Variants in PPIL4 observed in about 807,000 individuals in gnomAD.
PPIL4 encodes the protein peptidylprolyl isomerase like 4, also known as peptidyl-prolyl cis-trans isomerase-like 4.
A neutral mutation model predicts 69.1 loss-of-function variants in PPIL4; 50 were observed. The ratio of observed to expected loss-of-function variants is 0.72; its 90% CI spans 0.58 to 0.92. The LOEUF is 0.92. Among genes scored for constraint, PPIL4 ranks in the 40% least tolerant of loss-of-function variants. PPIL4 has a pLI of 0.00. For missense variants in PPIL4, 480 were observed against 587.9 expected, an observed-to-expected ratio of 0.82 and a Z score of 1.90; for synonymous variants, 193 against 191.6, an observed-to-expected ratio of 1.01 and a Z score of -0.06.
At chr6:149,508,822 A>G (rs1473382670) in intron 12 of PPIL4, among the ~76,000 whole-genome samples, 1 of 152,228 alleles carries the variant, frequency 6.6e-6, no homozygotes, top group Non-Finnish European at 1.5e-5. Context: ...ATTGATTAGT[A>G]AGGCTAGTTA....
At chr6:149,539,457 ACCCTTGACCTCC>A (rs1320770789) in intron 4 of PPIL4, among the ~76,000 whole-genome samples, 2 of 152,052 alleles carry the variant, frequency 1.3e-5, no homozygotes, top group Non-Finnish European at 2.9e-5. Flanking sequence ...AGCTCACTGC[ACCCTTGACCTCC>A]TGGGCTCTAG....
intron 11 of PPIL4, among the ~76,000 whole-genome samples, chr6:149,513,138 C>G (rs1036198371): frequency 1.4e-5 from 2 of 147,866 alleles, no homozygotes; most frequent in African/African-American, 4.9e-5. Context: ...GTAATCCCAG[C>G]ACTTTGGGAA....
intron 11 of PPIL4, 74 bp from the exon 12 acceptor site, chr6:149,512,376 AAGG>A: frequency 8.4e-7 from 1 of 1,184,010 alleles, no homozygotes. Context: ...CTGGTAAACA[AAGG>A]AGGTCATAAG....
chr6:149,536,237 T>G (rs1170893057), intron 4 of PPIL4, among the ~76,000 whole-genome samples: 1 of 152,180 alleles, frequency 6.6e-6, no homozygotes, highest in East Asian at 1.9e-4. Context: ...TTTCTCCCTC[T>G]CAGTGCTCCC....
chr6:149,539,269 G>C (rs1777324930), intron 4 of PPIL4, among the ~76,000 whole-genome samples: 1 of 152,218 alleles, frequency 6.6e-6, no homozygotes, highest in South Asian at 2.1e-4. Flanking sequence ...GGTCTGAGAG[G>C]ATTGACTTCA....
chr6:149,505,844 G>A, intron 12 of PPIL4, 140 bp from the exon 13 acceptor site: 1 of 667,260 alleles, frequency 1.5e-6, no homozygotes, highest in Non-Finnish European at 2.5e-6. Flanking sequence ...CTAATGTCAA[G>A]AATCTTGTAA....
chr6:149,525,532 A>T (rs1303923649), intron 8 of PPIL4, among the ~76,000 whole-genome samples: 1 of 152,160 alleles, frequency 6.6e-6, no homozygotes, highest in East Asian at 1.9e-4. Flanking sequence ...AAATCACAAC[A>T]CTTTTCTAGT....
At chr6:149,538,521 C>G (rs1777313496) in intron 4 of PPIL4, among the ~76,000 whole-genome samples, 1 of 151,988 alleles carries the variant, frequency 6.6e-6, no homozygotes, top group African/African-American at 2.4e-5. Flanking sequence ...GATGGTGATT[C>G]CTCTGATGGA....
intron 9 of PPIL4, among the ~76,000 whole-genome samples, chr6:149,521,441 C>G (rs946551771): frequency 3.9e-5 from 6 of 152,172 alleles, no homozygotes; most frequent in African/African-American, 1.4e-4. Flanking sequence ...TTTAGAGAGA[C>G]AGTCCAACTG....
chr6:149,529,771 A>G (rs1210502883), intron 7 of PPIL4, among the ~76,000 whole-genome samples: 1 of 151,932 alleles, frequency 6.6e-6, no homozygotes, highest in Non-Finnish European at 1.5e-5. Context: ...TCAAAAAAAA[A>G]AAAAAAAGGA....
intron 1 of PPIL4, among the ~76,000 whole-genome samples, chr6:149,543,068 CT>C (rs1777387403): frequency 6.6e-6 from 1 of 152,146 alleles, no homozygotes; most frequent in African/African-American, 2.4e-5. Flanking sequence ...CTGCCAAAAT[CT>C]TTAGGTCTTT....
chr6:149,534,792 A>T lies in PPIL4; in HGVS notation c.465-18T>A. Reference sequence around the variant, plus strand: ...GATTTATCCTTACAAAATAAATCCAAATCAAATGTTATACATTGAAGTTAT... The same window carrying T: ...GATTTATCCTTACAAAATAAATCCATATCAAATGTTATACATTGAAGTTAT... On this transcript the variant is annotated intron_variant, in intron 5 of 12. Transcript: ENST00000253329. The T allele has an allele frequency of 7.4e-7, 1 of 1,342,986 alleles. No individual in the cohort carries two copies. Among genetic ancestry groups the T allele is most frequent in the East Asian group, 2.3e-5 (1 of 42,952 alleles). 83.2% of individuals were successfully genotyped at this position (1,342,986 alleles called of 1,614,324 possible).
intron 12 of PPIL4, 35 bp from the exon 13 acceptor site, chr6:149,505,739 T>C: frequency 6.3e-7 from 1 of 1,580,662 alleles, no homozygotes; most frequent in Non-Finnish European, 8.6e-7. Flanking sequence ...AGTGAATCAG[T>C]AAAATAATCA....
chr6:149,545,984 T>C lies in PPIL4; in HGVS notation c.22A>G (p.Thr8Ala), dbSNP rs1434963410. ...AAGTCGATGACGACGTCGCCTAAAG[T>C]GGTCTCCAGTAGAACCGCCATGGCG... MAVLLETTLGDVVIDLYT... is the reference protein window; with the variant it reads MAVLLETALGDVVIDLYT... The change falls in exon 1 of 13, where the codon ACT (threonine) becomes GCT (alanine). Residue 8 changes from threonine to alanine, a missense_variant. By Grantham distance (58) the Thr-to-Ala change is moderately conservative. Coordinates refer to ENST00000253329, the MANE Select transcript of PPIL4 (RefSeq NM_139126.4). The C allele has an allele frequency of 1.9e-6, 3 of 1,585,782 alleles. No individual in the cohort carries two copies. Among genetic ancestry groups the C allele is most frequent in the Admixed American group, 1.7e-5 (1 of 57,808 alleles).
At chr6:149,508,213 A>G (rs953794617) in intron 12 of PPIL4, among the ~76,000 whole-genome samples, 1 of 152,092 alleles carries the variant, frequency 6.6e-6, no homozygotes, top group African/African-American at 2.4e-5. Context: ...AATAATGGGG[A>G]AAAAATCCAA....
chr6:149,509,722 G>A (rs17087477), intron 12 of PPIL4, among the ~76,000 whole-genome samples: 4,093 of 152,156 alleles, frequency 0.027, 159 homozygotes, highest in African/African-American at 0.092. Context: ...GTAAGAAGAC[G>A]AGCAAAAGTA....
chr6:149,544,475 G>T (rs1777410033), intron 1 of PPIL4, among the ~76,000 whole-genome samples: 1 of 152,204 alleles, frequency 6.6e-6, no homozygotes, highest in Non-Finnish European at 1.5e-5. Flanking sequence ...GATAATTATG[G>T]TATAGTTCCT....
chr6:149,520,295 C>A (rs1312459645), intron 10 of PPIL4, among the ~76,000 whole-genome samples: 1 of 151,854 alleles, frequency 6.6e-6, no homozygotes, highest in Non-Finnish European at 1.5e-5. Flanking sequence ...ATAATGGTTA[C>A]CCTGGAAGAG....
chr6:149,533,444 G>T lies in PPIL4; in HGVS notation c.678+14C>A, dbSNP rs780257020. 7.5e-7 allele frequency: 1 copy of T among 1,341,686 alleles called. No homozygotes were observed. Among genetic ancestry groups the T allele is most frequent in the Non-Finnish European group, 1.1e-6 (1 of 933,202 alleles). The allele number at this position is 1,341,686 out of a possible 1,614,324, so 83.1% of individuals were successfully genotyped here. ...TATATTACAGAACAATTTGAACAAA[G>T]ATAATTATCTTACCATCTCCAAAAG... On this transcript the variant is annotated intron_variant, in intron 7 of 12. Coordinates refer to ENST00000253329, the MANE Select transcript of PPIL4 (RefSeq NM_139126.4).
Sources: allele counts gnomAD v4.1 joint callset (sites outside exome capture counted in the v4.1 genomes callset), GRCh38; gene constraint gnomAD v4.1.1; transcripts MANE v1.5; gene names NCBI Gene and HGNC (gene_info 2026-07-23, HGNC 2026-07-21).